Variants in PCDHGA3 observed in about 807,000 individuals in gnomAD.
PCDHGA3 encodes the protein protocadherin gamma-A3.
A neutral mutation model predicts 58.5 loss-of-function variants in PCDHGA3; 40 were observed. That is an observed-to-expected ratio of 0.68 (90% CI 0.53 to 0.89). The LOEUF (loss-of-function observed/expected upper bound fraction) is 0.89. Ranked by LOEUF, PCDHGA3 falls within the 40% of genes least tolerant of loss-of-function variation. PCDHGA3 has a pLI of 0.00. For synonymous variants in PCDHGA3, 530 were observed against 525.7 expected (o/e 1.01, Z -0.11); for missense variants, 1,223 against 1,195.9 (o/e 1.02, Z -0.33).
intron 1 of PCDHGA3, chr5:141,433,253 G>T: frequency 7.1e-7 from 1 of 1,416,466 alleles, no homozygotes; most frequent in South Asian, 1.3e-5. Flanking sequence ...GAATGCAGCG[G>T]TACGATCATA....
intron 1 of PCDHGA3, chr5:141,419,798 A>G: frequency 6.2e-7 from 1 of 1,614,050 alleles, no homozygotes; most frequent in Admixed American, 1.7e-5. Flanking sequence ...AGTCGCTGTA[A>G]GAGATGGAGG....
At chr5:141,399,670 GCCTTTGACTACGAGCAGCTGCGCA>G (rs758329241) in intron 1 of PCDHGA3, 2 of 1,613,610 alleles carry the variant, frequency 1.2e-6, no homozygotes, top group East Asian at 4.5e-5. Context: ...CGCGCAGCGC[GCCTTTGACTACGAGCAGCTGCGCA>G]CCTTCGAACT....
At chr5:141,372,380 A>G in intron 1 of PCDHGA3, 1 of 1,613,964 alleles carries the variant, frequency 6.2e-7, no homozygotes, top group Non-Finnish European at 8.5e-7. Context: ...TGCTGCACCT[A>G]ATCTTCGCAG....
intron 1 of PCDHGA3, chr5:141,409,635 AC>A: frequency 6.2e-7 from 1 of 1,613,784 alleles, no homozygotes; most frequent in Non-Finnish European, 8.5e-7. Context: ...AGCGCCTCTG[AC>A]CCGGATTTGG....
Position 141,370,599 on chromosome 5 carries a change from A to G in PCDHGA3, c.2424+24142A>G, listed in dbSNP as rs987021743. On this transcript the variant is annotated intron_variant, in intron 1 of 3. Transcript: ENST00000253812. ...TTTACCTACTAGGAACCTGCGGGTT[A>G]TTGCAGAGAAGAAATTCTTTACCGT... is the stretch of plus-strand genomic sequence containing the variant. 11 of 1,613,848 alleles carry G rather than the reference A, an allele frequency of 6.8e-6. No homozygotes were observed. The African/African-American group carries it at 1.2e-4, about 18-fold the overall frequency.
rs747994258 is a variant in PCDHGA3 at position 141,365,910 on chromosome 5, A to G, written c.2424+19453A>G. ...TCCTTCGACTATGAGCAGTTGAGAGACCTACAGTTGTGGGTGACAGCCAGC... is the reference window on the plus strand; with the variant it reads ...TCCTTCGACTATGAGCAGTTGAGAGGCCTACAGTTGTGGGTGACAGCCAGC... On this transcript the variant is annotated intron_variant, in intron 1 of 3. Transcript: ENST00000253812. The G allele has an allele frequency of 5.0e-6, 8 of 1,614,146 alleles. No homozygotes were observed. In the South Asian group the frequency reaches 8.8e-5, roughly 18 times the overall value.
chr5:141,435,906 A>C (rs1246100275), intron 1 of PCDHGA3, among the ~76,000 whole-genome samples: 1 of 152,182 alleles, frequency 6.6e-6, no homozygotes, highest in African/African-American at 2.4e-5. Context: ...AAAGACATCC[A>C]AGGGCTCTAA....
chr5:141,359,592 A>G (rs1761262704), intron 1 of PCDHGA3, among the ~76,000 whole-genome samples: 1 of 151,914 alleles, frequency 6.6e-6, no homozygotes, highest in Admixed American at 6.6e-5. Flanking sequence ...TAACAACTAA[A>G]AAAGCAATGT....
At chr5:141,434,533 C>T (rs6862159) in intron 1 of PCDHGA3, among the ~76,000 whole-genome samples, 18,539 of 152,264 alleles carry the variant, frequency 0.12, 1,259 homozygotes, top group Non-Finnish European at 0.16. Flanking sequence ...AAACCACAAA[C>T]AATAGCATGA....
intron 1 of PCDHGA3, among the ~76,000 whole-genome samples, chr5:141,425,819 A>C (rs1183860957): frequency 6.6e-6 from 1 of 152,246 alleles, no homozygotes; most frequent in Non-Finnish European, 1.5e-5. Flanking sequence ...TTAGAAAAAA[A>C]CAAACTTTTA....
At chr5:141,365,681 A>C in intron 1 of PCDHGA3, 2 of 1,613,224 alleles carry the variant, frequency 1.2e-6, no homozygotes, top group Non-Finnish European at 8.5e-7. Flanking sequence ...CAACCCACCC[A>C]ATTTCCCTCA....
intron 1 of PCDHGA3, among the ~76,000 whole-genome samples, chr5:141,466,225 C>A (rs925594512): frequency 2.0e-5 from 3 of 152,028 alleles, no homozygotes; most frequent in Admixed American, 6.6e-5. Flanking sequence ...GGCTGGAGTG[C>A]AGTGGCACCA....
intron 1 of PCDHGA3, chr5:141,374,146 G>A (rs770813485): frequency 5.0e-6 from 8 of 1,611,142 alleles, no homozygotes; most frequent in East Asian, 4.5e-5. Context: ...CGCTCCTGGG[G>A]ACGCTGTGGG....
At chr5:141,402,682 T>A (rs1012328239) in intron 1 of PCDHGA3, among the ~76,000 whole-genome samples, 1 of 152,138 alleles carries the variant, frequency 6.6e-6, no homozygotes, top group East Asian at 1.9e-4. Context: ...CCATCTGATA[T>A]AATGTTACAC....
Position 141,399,689 on chromosome 5 carries a change from T to C in PCDHGA3, c.2424+53232T>C, listed in dbSNP as rs199516491. 502 of 1,613,550 alleles carry C rather than the reference T, an allele frequency of 3.1e-4. 1 individual carries two copies. Among genetic ancestry groups the C allele is most frequent in the Non-Finnish European group, 3.8e-4 (448 of 1,179,874 alleles). On this transcript the variant is annotated intron_variant, in intron 1 of 3. Transcript: ENST00000253812. ...CAGCGCGCCTTTGACTACGAGCAGC[T>C]GCGCACCTTCGAACTCACACTACAG...
In PCDHGA3 at chr5:141,351,785, G is replaced by C. The variant is rs747419202; in HGVS notation, c.2424+5328G>C. On this transcript the variant is annotated intron_variant, in intron 1 of 3. Transcript: ENST00000253812. ...CGTGTCCGTGAGCCCGCAGAGCGGG[G>C]TGGTGTTCGCGCAGCGCGCCTTCGA... The C allele has an allele frequency of 2.5e-6, 4 of 1,613,318 alleles. No individual in the cohort carries two copies. The highest frequency in any genetic ancestry group is 3.4e-6 in the Non-Finnish European group (4 of 1,179,914).
chr5:141,390,144 G>A, intron 1 of PCDHGA3: 1 of 1,614,036 alleles, frequency 6.2e-7, no homozygotes, highest in South Asian at 1.1e-5. Context: ...CAATCTATGT[G>A]TTGCACATAC....
intron 1 of PCDHGA3, chr5:141,385,132 G>C (rs763210124): frequency 1.2e-6 from 2 of 1,614,094 alleles, no homozygotes; most frequent in African/African-American, 1.3e-5. Flanking sequence ...GGGCATGGAC[G>C]GGGTGCAGGC....
intron 1 of PCDHGA3, chr5:141,416,489 G>A (rs2096031582): frequency 1.3e-5 from 2 of 152,158 alleles, no homozygotes; most frequent in Admixed American, 1.3e-4. Context: ...GAGAACAGGA[G>A]CAAGAGATAT....
Sources: gnomAD v4.1 joint callset for allele counts (sites outside exome capture counted in the v4.1 genomes callset) on GRCh38, gnomAD v4.1.1 for gene constraint, MANE v1.5 for transcripts, NCBI Gene and HGNC (gene_info 2026-07-23, HGNC 2026-07-21) for gene names.